The following TPO variants were observed in gnomAD, a reference collection of about 807,000 sequenced individuals.
TPO encodes thyroid peroxidase.
TPO carries 78 observed loss-of-function variants against 96.9 expected under a neutral mutation model. That is an observed-to-expected ratio of 0.81 (90% CI 0.67 to 0.97). The LOEUF (loss-of-function observed/expected upper bound fraction) is 0.97. Ranked by LOEUF, TPO falls within the 50% of genes least tolerant of loss-of-function variation. TPO has a pLI of 0.00. For synonymous variants in TPO, 547 were observed against 538.0 expected (o/e 1.02, Z -0.23); for missense variants, 1,252 against 1,274.8 (o/e 0.98, Z 0.27).
intron 3 of TPO, among the ~76,000 whole-genome samples, chr2:1,424,618 G>A (rs763776833): frequency 2.0e-5 from 3 of 152,200 alleles, no homozygotes; most frequent in Non-Finnish European, 4.4e-5. Context: ...GGCATCAACT[G>A]GGGAGACTAT....
chr2:1,430,833 A>G (rs9677934), intron 3 of TPO, among the ~76,000 whole-genome samples: 7,956 of 152,266 alleles, frequency 0.052, 579 homozygotes, highest in African/African-American at 0.15. Flanking sequence ...TCTCCCTTTT[A>G]GAATGGAAAA....
At chr2:1,485,644 C>T (rs1286265027) in intron 9 of TPO, among the ~76,000 whole-genome samples, 3 of 151,680 alleles carry the variant, frequency 2.0e-5, no homozygotes, top group Non-Finnish European at 2.9e-5. Flanking sequence ...ATTTGCATTT[C>T]TCTGATGGCC....
At chr2:1,516,678 C>A (rs559480652) in intron 14 of TPO, among the ~76,000 whole-genome samples, 1 of 152,222 alleles carries the variant, frequency 6.6e-6, no homozygotes, top group Non-Finnish European at 1.5e-5. Flanking sequence ...CCCCTGCTGG[C>A]TCTCCCCACA....
intron 8 of TPO, chr2:1,477,858 C>A (rs1044677108): frequency 1.0e-5 from 10 of 985,324 alleles, no homozygotes; most frequent in Non-Finnish European, 1.2e-5. Flanking sequence ...GGCGGCCCTC[C>A]GGGGCCCCTC....
intron 10 of TPO, among the ~76,000 whole-genome samples, chr2:1,491,327 G>T (rs1671753729): frequency 6.6e-6 from 1 of 152,122 alleles, no homozygotes; most frequent in Admixed American, 6.5e-5. Context: ...CACAGGCCTT[G>T]CATATTTTCC....
intron 2 of TPO, 23 bp from the exon 3 acceptor site, chr2:1,423,018 TTGAC>T (rs1663934143): frequency 6.2e-7 from 1 of 1,610,156 alleles, no homozygotes; most frequent in African/African-American, 1.3e-5. Flanking sequence ...TCATTGCGCT[TTGAC>T]TGTGTGACAT....
At chr2:1,397,607 A>C (rs1226734888) in intron 1 of TPO, among the ~76,000 whole-genome samples, 1 of 152,212 alleles carries the variant, frequency 6.6e-6, no homozygotes, top group Non-Finnish European at 1.5e-5. Flanking sequence ...ACAGAGGCTC[A>C]TTCTAGTCTG....
chr2:1,506,333 G>A (rs1375423379), intron 14 of TPO, among the ~76,000 whole-genome samples: 6 of 150,764 alleles, frequency 4.0e-5, no homozygotes, highest in South Asian at 2.1e-4. Flanking sequence ...GAATAGTGCT[G>A]CAATAAACAT....
chr2:1,382,791 A>G (rs1034716295), intron 1 of TPO, among the ~76,000 whole-genome samples: 1 of 152,022 alleles, frequency 6.6e-6, no homozygotes, highest in Non-Finnish European at 1.5e-5. Context: ...GGTTTGTTAC[A>G]TATGTATACA....
intron 16 of TPO, chr2:1,542,161 C>T (rs1383137849): frequency 6.8e-6 from 4 of 584,952 alleles, no homozygotes; most frequent in Non-Finnish European, 1.2e-5. Flanking sequence ...CCTGAAGGAC[C>T]CTGCCTGCGG....
intron 15 of TPO, among the ~76,000 whole-genome samples, chr2:1,538,722 G>A (rs28913040): frequency 0.037 from 5,703 of 152,260 alleles, 137 homozygotes; most frequent in South Asian, 0.11. Flanking sequence ...TCAGGCTGAG[G>A]AGGGCGAGGG....
chr2:1,531,457 C>G (rs1284607798), intron 15 of TPO, among the ~76,000 whole-genome samples: 2 of 69,244 alleles, frequency 2.9e-5, no homozygotes, highest in Non-Finnish European at 4.9e-5. Context: ...CAAATCCCTC[C>G]CACTGTGTGC....
intron 11 of TPO, among the ~76,000 whole-genome samples, chr2:1,494,595 G>T (rs1672144049): frequency 6.6e-6 from 1 of 152,210 alleles, no homozygotes. Flanking sequence ...TTGGAGGTTT[G>T]TACTGGAGGG....
intron 13 of TPO, among the ~76,000 whole-genome samples, chr2:1,499,816 C>T (rs1286594953): frequency 2.6e-5 from 4 of 152,248 alleles, no homozygotes; most frequent in Non-Finnish European, 4.4e-5. Flanking sequence ...CAGACATTTC[C>T]GTAGCCATTT....
chr2:1,429,018 A>G (rs968075520), intron 3 of TPO, among the ~76,000 whole-genome samples: 1 of 152,176 alleles, frequency 6.6e-6, no homozygotes, highest in Admixed American at 6.5e-5. Context: ...AGTACCTTTT[A>G]CAAACATGTC....
intron 5 of TPO, among the ~76,000 whole-genome samples, chr2:1,451,640 G>A: frequency 6.6e-6 from 1 of 152,164 alleles, no homozygotes. Flanking sequence ...TGTGTTGCAT[G>A]ACTCTGCAGC....
chr2:1,509,659 C>A (rs1673867142), intron 14 of TPO, among the ~76,000 whole-genome samples: 1 of 151,354 alleles, frequency 6.6e-6, no homozygotes, highest in Admixed American at 6.6e-5. Context: ...GCACACCCCA[C>A]CCTCTTGTTT....
Position 1,542,570 on chromosome 2 carries a change from G to A in TPO, c.*96G>A, listed in dbSNP as rs536869524. The A allele has an allele frequency of 1.3e-5, 21 of 1,579,082 alleles. No homozygotes were observed. Among genetic ancestry groups the A allele is most frequent in the African/African-American group, 6.7e-5 (5 of 74,388 alleles). On this transcript the variant is annotated 3_prime_UTR_variant, in exon 17 of 17. Transcript: ENST00000329066. The stretch of plus-strand genomic sequence containing the variant: ...CAGGCAAATCCGAAATCAGCAGGAC[G>A]ACTGTTTTCCCAACACGGGTAAATC...
At chr2:1,451,489 G>A (rs1385878932) in intron 5 of TPO, among the ~76,000 whole-genome samples, 1 of 152,070 alleles carries the variant, frequency 6.6e-6, no homozygotes, top group Non-Finnish European at 1.5e-5. Flanking sequence ...TATTTTTTAA[G>A]TGTGTACATA....
Sources: allele counts gnomAD v4.1 joint callset (sites outside exome capture counted in the v4.1 genomes callset), GRCh38; gene constraint gnomAD v4.1.1; transcripts MANE v1.5; gene names NCBI Gene and HGNC (gene_info 2026-07-23, HGNC 2026-07-21).